Variants in ANO3 observed in about 807,000 individuals in gnomAD.
ANO3 encodes the protein anoctamin 3, also known as anoctamin-3.
A neutral mutation model predicts 144.8 loss-of-function variants in ANO3; 99 were observed. That is an observed-to-expected ratio of 0.68 (90% CI 0.58 to 0.81). The LOEUF (loss-of-function observed/expected upper bound fraction) is 0.81. Ranked by LOEUF, ANO3 falls within the 30% of genes least tolerant of loss-of-function variation. ANO3 has a pLI of 0.00. For synonymous variants in ANO3, 414 were observed against 392.6 expected (o/e 1.05, Z -0.64); for missense variants, 905 against 1,202.2 (o/e 0.75, Z 3.66).
intron 8 of ANO3, among the ~76,000 whole-genome samples, chr11:26,531,561 AC>A (rs1849371995): frequency 6.6e-6 from 1 of 152,216 alleles, no homozygotes. Flanking sequence ...TTAATTGTAG[AC>A]CTATGGACTG....
At chr11:26,646,809 T>C (rs1853359209) in intron 23 of ANO3, among the ~76,000 whole-genome samples, 1 of 152,164 alleles carries the variant, frequency 6.6e-6, no homozygotes, top group Admixed American at 6.5e-5. Context: ...TATTTTCTTT[T>C]GCCTAAATAT....
At chr11:26,484,928 G>C (rs778900832) in intron 4 of ANO3, among the ~76,000 whole-genome samples, 1 of 152,180 alleles carries the variant, frequency 6.6e-6, no homozygotes, top group African/African-American at 2.4e-5. Context: ...TTTTGGGCTT[G>C]TTTGGGGCCT....
chr11:26,383,050 C>T (rs1823558261), intron 1 of ANO3, among the ~76,000 whole-genome samples: 1 of 152,090 alleles, frequency 6.6e-6, no homozygotes, highest in African/African-American at 2.4e-5. Flanking sequence ...CATGGTTATA[C>T]TGCAGTGCCA....
intron 1 of ANO3, among the ~76,000 whole-genome samples, chr11:26,279,301 C>G (rs1234700270): frequency 6.6e-6 from 1 of 152,100 alleles, no homozygotes; most frequent in East Asian, 1.9e-4. Context: ...AAATAATATT[C>G]CAACACAAAT....
chr11:26,480,324 G>A (rs1860160391), intron 4 of ANO3, among the ~76,000 whole-genome samples: 2 of 152,082 alleles, frequency 1.3e-5, no homozygotes, highest in Non-Finnish European at 2.9e-5. Flanking sequence ...GGTCTTCCAT[G>A]TGTAATTCTT....
intron 23 of ANO3, among the ~76,000 whole-genome samples, chr11:26,643,546 A>G (rs1389151550): frequency 6.6e-6 from 1 of 152,108 alleles, no homozygotes; most frequent in Non-Finnish European, 1.5e-5. Context: ...ACCTGAGGTC[A>G]GGAATTCGAG....
intron 1 of ANO3, among the ~76,000 whole-genome samples, chr11:26,382,207 G>T (rs926883260): frequency 1.3e-5 from 2 of 152,166 alleles, no homozygotes; most frequent in African/African-American, 4.8e-5. Flanking sequence ...AAACATGTCA[G>T]TTAGGATTTT....
intron 4 of ANO3, among the ~76,000 whole-genome samples, chr11:26,466,908 G>A (rs1859621399): frequency 6.6e-6 from 1 of 151,948 alleles, no homozygotes; most frequent in East Asian, 1.9e-4. Flanking sequence ...CGCAGAGTTT[G>A]ACACAGCATA....
Position 26,325,136 on chromosome 11 carries a change from T to C in ANO3, c.-3+15417T>C, listed in dbSNP as rs115685069. ...TTTTTTCCAAATGTTCCACCATTGTTTTACAATAAAACCACGAATATGGAA... is the reference window on the plus strand; with the variant it reads ...TTTTTTCCAAATGTTCCACCATTGTCTTACAATAAAACCACGAATATGGAA... On this transcript the variant is annotated intron_variant, in intron 1 of 26. Transcript: ENST00000525139. Among the ~76,000 whole-genome samples, 509 of 152,290 alleles carry C rather than the reference T, an allele frequency of 3.3e-3. 2 individuals are homozygous for C. The highest frequency in any genetic ancestry group is 0.012 in the African/African-American group (486 of 41,564).
intron 1 of ANO3, among the ~76,000 whole-genome samples, chr11:26,312,165 G>C (rs2133871422): frequency 6.6e-6 from 1 of 152,304 alleles, no homozygotes; most frequent in East Asian, 1.9e-4. Context: ...TCCTACAAAG[G>C]ACATGAACTC....
intron 14 of ANO3, chr11:26,566,004 G>T (rs1850566182): frequency 1.8e-6 from 2 of 1,119,478 alleles, no homozygotes; most frequent in African/African-American, 1.6e-5. Flanking sequence ...TATAGAGATG[G>T]TAATATCATA....
chr11:26,552,679 C>T (rs1032244859), intron 12 of ANO3, among the ~76,000 whole-genome samples: 1 of 152,038 alleles, frequency 6.6e-6, no homozygotes, highest in South Asian at 2.1e-4. Flanking sequence ...TATTAGAGAA[C>T]ATATTTACAT....
intron 14 of ANO3, chr11:26,572,085 A>G (rs1372137738): frequency 1.0e-6 from 1 of 985,364 alleles, no homozygotes; most frequent in African/African-American, 1.7e-5. Flanking sequence ...GAAATATCAC[A>G]GTTGTCCTGT....
intron 20 of ANO3, among the ~76,000 whole-genome samples, chr11:26,636,667 T>G (rs895202430): frequency 7.4e-4 from 113 of 152,356 alleles, no homozygotes; most frequent in African/African-American, 2.6e-3. Context: ...GATTTAAATC[T>G]TTTCAGTGTA....
rs571647524 is a variant in ANO3, at chr11:26,445,761, C to T, written c.313+1925C>T. ...ATTTCAGGAATCCAACTGGATGTAA[C>T]ACCTGGCTGGGAAATACTCTTTTAG... On this transcript the variant is annotated intron_variant, in intron 3 of 26. Transcript: ENST00000256737. Among the ~76,000 whole-genome samples the T allele has an allele frequency of 1.6e-3, 242 of 152,262 alleles. 1 individual carries two copies. Among genetic ancestry groups the T allele is most frequent in the African/African-American group, 5.5e-3 (229 of 41,554 alleles).
At chr11:26,625,461 C>A (rs1590647496) in intron 18 of ANO3, among the ~76,000 whole-genome samples, 1 of 152,162 alleles carries the variant, frequency 6.6e-6, no homozygotes, top group South Asian at 2.1e-4. Flanking sequence ...GATATATCAG[C>A]ATTTTTAGCC....
At chr11:26,211,574 C>A (rs12802308) in intron 1 of ANO3, among the ~76,000 whole-genome samples, 45,958 of 151,856 alleles carry the variant, frequency 0.3, 7,689 homozygotes, top group Non-Finnish European at 0.37. Flanking sequence ...GATGCTGGAG[C>A]GGATGTGGAG....
intron 1 of ANO3, among the ~76,000 whole-genome samples, chr11:26,230,797 CAAAAAAAAAAAAAAAAAAAAA>C (rs1168180646): frequency 5.7e-3 from 65 of 11,340 alleles, no homozygotes; most frequent in East Asian, 0.035. Context: ...ACTCCATCTC[CAAAAAAAAAAAAAAAAAAAAA>C]AAAAAAAAAA....
chr11:26,236,601 G>A (rs866663434), intron 1 of ANO3, among the ~76,000 whole-genome samples: 7 of 152,096 alleles, frequency 4.6e-5, no homozygotes, highest in South Asian at 4.1e-4. Flanking sequence ...GGCGGATCAC[G>A]AGGTCAGGAG....
Sources: allele counts gnomAD v4.1 joint callset (sites outside exome capture counted in the v4.1 genomes callset), GRCh38; gene constraint gnomAD v4.1.1; transcripts MANE v1.5; gene names NCBI Gene and HGNC (gene_info 2026-07-23, HGNC 2026-07-21).